LHFPL2: variants seen among roughly 807,000 people sequenced by gnomAD.
LHFPL2 encodes LHFPL tetraspan subfamily member 2 protein.
In LHFPL2, 7 loss-of-function variants were observed where a neutral mutation model predicts 17.5. That is an observed-to-expected ratio of 0.40 (90% CI 0.23 to 0.75). The LOEUF (loss-of-function observed/expected upper bound fraction) is 0.75. Among genes scored for constraint, LHFPL2 ranks in the 30% least tolerant of loss-of-function variants. The pLI, the probability that LHFPL2 is intolerant of heterozygous loss-of-function variation, is 0.37. For missense variants in LHFPL2, 241 were observed against 294.8 expected (o/e 0.82, Z 1.34); for synonymous variants, 134 against 116.2 (o/e 1.15, Z -0.99).
At chr5:78,562,496 A>C (rs889581499) in intron 3 of LHFPL2, among the ~76,000 whole-genome samples, 3 of 152,150 alleles carry the variant, frequency 2.0e-5, no homozygotes, top group African/African-American at 7.2e-5. Flanking sequence ...TTAGCTGGGC[A>C]TGGTGGCAGA....
At chr5:78,513,634 G>A (rs929311870) in intron 3 of LHFPL2, among the ~76,000 whole-genome samples, 8 of 152,130 alleles carry the variant, frequency 5.3e-5, no homozygotes, top group Admixed American at 6.5e-5. Context: ...GGAAGGGCCC[G>A]GTGGAAGATA....
rs761882600 is a variant in LHFPL2, at chr5:78,510,109, G to T, written c.105C>A (p.Ile35=). ...LIAFMSADWL[I]GKARSRGGVE... ...CGCCGCCGCGGCTCCTCGCTTTCCCGATCAGCCAGTCTGCACTCATGAAGG... is the reference window on the plus strand; with the variant it reads ...CGCCGCCGCGGCTCCTCGCTTTCCCTATCAGCCAGTCTGCACTCATGAAGG... The change falls in exon 4 of 5, where the codon ATC becomes ATA. Residue 35 remains isoleucine (I), a synonymous_variant. Transcript: ENST00000380345. 2 of 1,613,180 alleles carry T rather than the reference G, an allele frequency of 1.2e-6. No individual in the cohort carries two copies. Among genetic ancestry groups the T allele is most frequent in the Middle Eastern group, 1.7e-4 (1 of 6,054 alleles).
rs532291479 is a variant in LHFPL2 at position 78,547,468 on chromosome 5, G to A, written c.-186+17345C>T. Among the ~76,000 whole-genome samples, 3 of 152,278 alleles carry A rather than the reference G, an allele frequency of 2.0e-5. No individual in the cohort carries two copies. The South Asian group carries it at 6.2e-4, about 32-fold the overall frequency. ...ATATCATTACTCTGGGCTTCTGGAG[G>A]AGCCATAGTGCATTTACACTTCTTT... On this transcript the variant is annotated intron_variant, in intron 3 of 4. Transcript: ENST00000380345.
At chr5:78,499,815 C>A (rs1754717638) in intron 4 of LHFPL2, among the ~76,000 whole-genome samples, 1 of 152,226 alleles carries the variant, frequency 6.6e-6, no homozygotes, top group Non-Finnish European at 1.5e-5. Flanking sequence ...TCTCCACTCT[C>A]TTCCATTTGA....
intron 2 of LHFPL2, among the ~76,000 whole-genome samples, chr5:78,615,866 A>G (rs1218182272): frequency 6.6e-6 from 1 of 152,026 alleles, no homozygotes; most frequent in Non-Finnish European, 1.5e-5. Context: ...CGACCATCTG[A>G]TAAGGGCAAT....
chr5:78,510,359 G>A lies in LHFPL2; in HGVS notation c.-146C>T. The stretch of plus-strand genomic sequence containing the variant: ...CGCCGCCGGCCGCGTTCATGCTGGG[G>A]ACAGCGCTCCCGGACCCAGAGCACC... On this transcript the variant is annotated 5_prime_UTR_variant, in exon 4 of 5. Coordinates refer to ENST00000380345, the MANE Select transcript of LHFPL2 (RefSeq NM_005779.3). 1.2e-6 allele frequency: 1 copy of A among 821,602 alleles called. No individual in the cohort carries two copies. The allele number at this position is 821,602 out of a possible 1,614,324, so 50.9% of individuals were successfully genotyped here.
chr5:78,535,786 G>T (rs963881167), intron 3 of LHFPL2, among the ~76,000 whole-genome samples: 13 of 152,310 alleles, frequency 8.5e-5, no homozygotes, highest in African/African-American at 3.1e-4. Flanking sequence ...GGAAGGGCAG[G>T]CTGTGGCTCC....
intron 2 of LHFPL2, among the ~76,000 whole-genome samples, chr5:78,572,428 A>G (rs1757020557): frequency 6.6e-6 from 1 of 151,442 alleles, no homozygotes; most frequent in African/African-American, 2.4e-5. Context: ...ATACATATAT[A>G]TATATGTATG....
chr5:78,490,673 G>A (rs1232957352), intron 4 of LHFPL2, among the ~76,000 whole-genome samples: 7 of 150,674 alleles, frequency 4.6e-5, no homozygotes, highest in African/African-American at 1.7e-4. Context: ...GCTTGAACCC[G>A]GGAGGTGGAG....
intron 2 of LHFPL2, among the ~76,000 whole-genome samples, chr5:78,615,104 GA>G (rs1426956815): frequency 6.6e-6 from 1 of 152,226 alleles, no homozygotes; most frequent in Non-Finnish European, 1.5e-5. Context: ...TTCAGGAGTT[GA>G]TGTCTGTACA....
At chr5:78,522,025 T>C (rs953616400) in intron 3 of LHFPL2, among the ~76,000 whole-genome samples, 5 of 152,210 alleles carry the variant, frequency 3.3e-5, no homozygotes, top group Non-Finnish European at 7.3e-5. Context: ...TAAAGCTGCA[T>C]CAATTCTGCA....
chr5:78,622,185 C>T (rs1004029775), intron 2 of LHFPL2, among the ~76,000 whole-genome samples: 22 of 152,092 alleles, frequency 1.4e-4, no homozygotes, highest in Admixed American at 5.2e-4. Flanking sequence ...GCTTCAAAAG[C>T]GACAGGGTGG....
chr5:78,636,212 T>G (rs1185814899), intron 1 of LHFPL2, among the ~76,000 whole-genome samples: 3 of 152,206 alleles, frequency 2.0e-5, no homozygotes. Flanking sequence ...CATACTCTGA[T>G]CCTGAGAAGC....
At chr5:78,528,746 C>G (rs865781800) in intron 3 of LHFPL2, among the ~76,000 whole-genome samples, 1 of 152,186 alleles carries the variant, frequency 6.6e-6, no homozygotes, top group Admixed American at 6.5e-5. Flanking sequence ...CAGGTAGGTG[C>G]TATTATGTTT....
chr5:78,491,298 CCT>C (rs1491256060), intron 4 of LHFPL2: 2 of 152,210 alleles, frequency 1.3e-5, no homozygotes, highest in Admixed American at 6.5e-5. Context: ...ACCCCACGGC[CCT>C]CTCTATAGAT....
intron 3 of LHFPL2, among the ~76,000 whole-genome samples, chr5:78,530,030 C>T (rs1435981245): frequency 6.6e-6 from 1 of 152,156 alleles, no homozygotes; most frequent in South Asian, 2.1e-4. Flanking sequence ...GTTCCCAGAA[C>T]AGAAGATTGG....
At chr5:78,633,978 T>G (rs1263424982) in intron 1 of LHFPL2, among the ~76,000 whole-genome samples, 1 of 151,790 alleles carries the variant, frequency 6.6e-6, no homozygotes, top group Non-Finnish European at 1.5e-5. Flanking sequence ...TCCTGGAGAG[T>G]GAAATGAACT....
intron 3 of LHFPL2, among the ~76,000 whole-genome samples, chr5:78,521,070 C>T (rs1392603918): frequency 6.6e-6 from 1 of 152,210 alleles, no homozygotes; most frequent in Non-Finnish European, 1.5e-5. Flanking sequence ...AAGGTGCCAA[C>T]TGATTAACAC....
chr5:78,617,388 TAAGA>T (rs1409106577), intron 2 of LHFPL2, among the ~76,000 whole-genome samples: 1 of 152,198 alleles, frequency 6.6e-6, no homozygotes, highest in African/African-American at 2.4e-5. Context: ...TCGTTTTCTC[TAAGA>T]AAGAGGTAAG....
Sources: allele counts gnomAD v4.1 joint callset (sites outside exome capture counted in the v4.1 genomes callset), GRCh38; gene constraint gnomAD v4.1.1; transcripts MANE v1.5; gene names NCBI Gene and HGNC (gene_info 2026-07-23, HGNC 2026-07-21).